BICD1: variants seen among roughly 807,000 people sequenced by gnomAD.
BICD1 encodes BICD cargo adaptor 1, also known as protein bicaudal D homolog 1.
A neutral mutation model predicts 92.5 loss-of-function variants in BICD1; 35 were observed. The ratio of observed to expected loss-of-function variants is 0.38; its 90% CI spans 0.29 to 0.50. The LOEUF (loss-of-function observed/expected upper bound fraction) is 0.50, where lower values mean the gene tolerates loss of function less well. BICD1 is among the 20% of genes least tolerant of loss of function. BICD1 has a pLI of 0.93. For missense variants in BICD1, 950 were observed against 1,189.8 expected (o/e 0.80, Z 2.97); for synonymous variants, 429 against 465.1 (o/e 0.92, Z 1.00).
chr12:32,341,441 G>T (rs761209246), intron 8 of BICD1, among the ~76,000 whole-genome samples: 9 of 146,356 alleles, frequency 6.1e-5, no homozygotes, highest in African/African-American at 1.5e-4. Flanking sequence ...TCCAGCCTGG[G>T]TGACAGAGTG....
intron 2 of BICD1, among the ~76,000 whole-genome samples, chr12:32,218,128 T>C (rs1945411291): frequency 1.3e-5 from 2 of 152,124 alleles, no homozygotes; most frequent in Admixed American, 6.5e-5. Flanking sequence ...TGCTTTTCTG[T>C]GTGAGTCAAC....
intron 2 of BICD1, among the ~76,000 whole-genome samples, chr12:32,241,108 T>C (rs1946224238): frequency 1.3e-5 from 2 of 152,138 alleles, no homozygotes; most frequent in African/African-American, 2.4e-5. Flanking sequence ...CACCATTGAG[T>C]TGGCAAATGC....
chr12:32,118,620 C>T (rs141215208), intron 1 of BICD1, among the ~76,000 whole-genome samples: 106 of 152,198 alleles, frequency 7.0e-4, no homozygotes, highest in African/African-American at 2.3e-3. Context: ...TTAATGTATA[C>T]TGGAGGATGT....
Position 32,337,838 on chromosome 12 carries a change from T to C in BICD1, c.2570+22T>C. The C allele has an allele frequency of 3.1e-6, 5 of 1,611,390 alleles. No homozygotes were observed. Among genetic ancestry groups the C allele is most frequent in the Non-Finnish European group, 4.2e-6 (5 of 1,177,660 alleles). ...AAAGGTATGCATGCAGCGATCTTCATAGTACGGTGCAGTGGCCAGATTTTA... is the reference window on the plus strand; with the variant it reads ...AAAGGTATGCATGCAGCGATCTTCACAGTACGGTGCAGTGGCCAGATTTTA... On this transcript the variant is annotated intron_variant, in intron 7 of 9. Transcript: ENST00000652176. The surrounding 1 kb of genome is among the most constrained non-coding windows in gnomAD (Gnocchi z 4.7).
chr12:32,310,364 G>A (rs1400212144), intron 4 of BICD1, among the ~76,000 whole-genome samples: 1 of 152,172 alleles, frequency 6.6e-6, no homozygotes, highest in African/African-American at 2.4e-5. Flanking sequence ...TTGTGGGAGA[G>A]GCAATCGGTC....
rs1326072853 is a variant in BICD1, at chr12:32,380,745, AAAACTGTT to A, written c.*3122_*3129del. The A allele has an allele frequency of 1.3e-5, 2 of 152,158 alleles. No homozygotes were observed. Among genetic ancestry groups the A allele is most frequent in the African/African-American group, 4.8e-5 (2 of 41,462 alleles). 9.4% of individuals were successfully genotyped at this position (152,158 alleles called of 1,614,324 possible). ...AATTTGGAGAACTTTGAGAAAAAGGAAAACTGTTAAATAAGAAAAGACCTATTTAGAAA... is the reference window on the plus strand; with the variant it reads ...AATTTGGAGAACTTTGAGAAAAAGGAAAATAAGAAAAGACCTATTTAGAAA... On this transcript the variant is annotated 3_prime_UTR_variant, in exon 10 of 10. Transcript: ENST00000652176.
At position 32,331,136 on chromosome 12, in the gene BICD1, A is replaced by G. The variant is rs10844185; in HGVS notation, c.2100+2581A>G. Among the ~76,000 whole-genome samples, 22 of 106,456 alleles carry G rather than the reference A, an allele frequency of 2.1e-4. 1 individual carries two copies. Among genetic ancestry groups the G allele is most frequent in the Admixed American group, 1.7e-3 (18 of 10,550 alleles). The allele number at this position is 106,456 out of a possible 152,430, so 69.8% of individuals were successfully genotyped here. ...GGCAACAAGAGCGAAAATCTGTCTT[A>G]AAAAAAAAAAAATCAAGATGCTTAA... On this transcript the variant is annotated intron_variant, in intron 5 of 9. Transcript: ENST00000652176.
At chr12:32,153,751 G>GTA (rs1433596505) in intron 1 of BICD1, among the ~76,000 whole-genome samples, 1 of 149,570 alleles carries the variant, frequency 6.7e-6, no homozygotes, top group Non-Finnish European at 1.5e-5. Context: ...GCCAGACTTT[G>GTA]TATATATATG....
chr12:32,191,696 T>C (rs1194447447), intron 1 of BICD1, among the ~76,000 whole-genome samples: 1 of 148,140 alleles, frequency 6.8e-6, no homozygotes, highest in East Asian at 1.9e-4. Context: ...ATAATACATA[T>C]ATATTATGAT....
intron 1 of BICD1, among the ~76,000 whole-genome samples, chr12:32,146,420 C>T (rs777142008): frequency 6.6e-6 from 1 of 151,510 alleles, no homozygotes; most frequent in Non-Finnish European, 1.5e-5. Context: ...GAACTATGGT[C>T]AAGTGGAGGT....
chr12:32,302,934 T>C (rs1948100638), intron 3 of BICD1, among the ~76,000 whole-genome samples: 2 of 147,160 alleles, frequency 1.4e-5, no homozygotes, highest in Non-Finnish European at 3.0e-5. Flanking sequence ...TGTATTTCTT[T>C]TTTTTTTTTT....
intron 4 of BICD1, among the ~76,000 whole-genome samples, chr12:32,321,420 G>A (rs1948652925): frequency 6.6e-6 from 1 of 152,082 alleles, no homozygotes; most frequent in South Asian, 2.1e-4. Context: ...AACATATGTT[G>A]TATACTTACA....
At chr12:32,145,518 G>A (rs977483362) in intron 1 of BICD1, among the ~76,000 whole-genome samples, 1 of 152,134 alleles carries the variant, frequency 6.6e-6, no homozygotes, top group African/African-American at 2.4e-5. Context: ...CTTGGAAGAG[G>A]GAAGGAAGGA....
At chr12:32,344,241 G>A (rs952875868) in intron 8 of BICD1, among the ~76,000 whole-genome samples, 2 of 152,294 alleles carry the variant, frequency 1.3e-5, no homozygotes, top group African/African-American at 2.4e-5. Flanking sequence ...AGGTGGCAGC[G>A]CAGGTATGGG....
chr12:32,349,748 A>C (rs892107307), intron 8 of BICD1, among the ~76,000 whole-genome samples: 4 of 152,288 alleles, frequency 2.6e-5, no homozygotes, highest in African/African-American at 9.6e-5. Flanking sequence ...TATAAAACAA[A>C]CTTTTTTGAT....
At chr12:32,310,590 G>C (rs768043779) in intron 4 of BICD1, among the ~76,000 whole-genome samples, 3 of 152,188 alleles carry the variant, frequency 2.0e-5, no homozygotes, top group Non-Finnish European at 4.4e-5. Context: ...AGGATGCAAA[G>C]TTAATCAATT....
intron 4 of BICD1, among the ~76,000 whole-genome samples, chr12:32,314,926 G>T (rs527554114): frequency 6.6e-6 from 1 of 152,036 alleles, no homozygotes; most frequent in Non-Finnish European, 1.5e-5. Flanking sequence ...GACTACAGGC[G>T]CATGCCACTA....
At chr12:32,246,417 C>T (rs927926138) in intron 2 of BICD1, among the ~76,000 whole-genome samples, 1 of 151,596 alleles carries the variant, frequency 6.6e-6, no homozygotes, top group African/African-American at 2.4e-5. Flanking sequence ...GTGGGAGGAT[C>T]GCTTGAGGCC....
In BICD1 at chr12:32,258,417, T is replaced by C. The variant is rs373982707; in HGVS notation, c.427-35577T>C. Reference sequence around the variant, plus strand: ...TGCTATTATTTTAAAGTAATAAATATAGGGTCCAGACCTATGGGGCTTAGC... The same window carrying C: ...TGCTATTATTTTAAAGTAATAAATACAGGGTCCAGACCTATGGGGCTTAGC... On this transcript the variant is annotated intron_variant, in intron 2 of 9. Transcript: ENST00000652176. Among the ~76,000 whole-genome samples the C allele has an allele frequency of 8.5e-5, 13 of 152,218 alleles. No homozygotes were observed. In the East Asian group the frequency reaches 1.4e-3, roughly 16 times the overall value.
Sources: gnomAD v4.1 joint callset for allele counts (sites outside exome capture counted in the v4.1 genomes callset) on GRCh38, gnomAD v4.1.1 for gene constraint, Gnocchi (gnomAD v3.1) non-coding constraint, MANE v1.5 for transcripts, NCBI Gene and HGNC (gene_info 2026-07-23, HGNC 2026-07-21) for gene names.